Variants in CDKL5 observed in about 807,000 individuals in gnomAD.
The protein encoded by CDKL5 is cyclin dependent kinase like 5.
In CDKL5, 8 loss-of-function variants were observed where a neutral mutation model predicts 61.7. The ratio of observed to expected loss-of-function variants is 0.13; its 90% CI spans 0.08 to 0.23. The LOEUF (loss-of-function observed/expected upper bound fraction) is 0.23, where lower values mean the gene tolerates loss of function less well. CDKL5 is among the 10% of genes least tolerant of loss of function. The pLI is 1.00. For synonymous variants in CDKL5, 275 were observed against 272.3 expected (o/e 1.01, Z -0.10); for missense variants, 440 against 734.5 (o/e 0.60, Z 4.63).
chrX:18,582,746 T>C (rs1158102398), intron 7 of CDKL5, among the ~76,000 whole-genome samples: 1 of 111,313 alleles, frequency 9.0e-6, no homozygotes, highest in Non-Finnish European at 1.9e-5. Flanking sequence ...GATTAGTGCA[T>C]AGGAGATGAA....
At position 18,637,706 on chromosome X, in the gene CDKL5, C is replaced by T. The variant is rs1186195979; in HGVS notation, c.*8949C>T. ...CCTTATCTTTAAATGGAGGTAATCACAGTACCTACCTCAGTGTTGTTGTGA... is the reference window on the plus strand; with the variant it reads ...CCTTATCTTTAAATGGAGGTAATCATAGTACCTACCTCAGTGTTGTTGTGA... On this transcript the variant is annotated 3_prime_UTR_variant, in exon 18 of 18. Coordinates refer to ENST00000623535, the MANE Select transcript of CDKL5 (RefSeq NM_001323289.2). The T allele has an allele frequency of 8.9e-6, 1 of 111,813 alleles. No individual in the cohort carries two copies. Among genetic ancestry groups the T allele is most frequent in the Non-Finnish European group, 1.9e-5 (1 of 53,231 alleles). The allele number at this position is 111,813 out of a possible 1,213,427, so 9.2% of individuals were successfully genotyped here.
intron 3 of CDKL5, among the ~76,000 whole-genome samples, chrX:18,511,252 T>G (rs1187356776): frequency 8.9e-6 from 1 of 111,880 alleles, no homozygotes; most frequent in African/African-American, 3.2e-5. Flanking sequence ...ATGCTCAACC[T>G]GTAATTAAAA....
At chrX:18,473,930 CT>C (rs1420784706) in intron 1 of CDKL5, among the ~76,000 whole-genome samples, 1 of 105,276 alleles carries the variant, frequency 9.5e-6, no homozygotes, top group African/African-American at 3.5e-5. Context: ...GAGTTTTGCT[CT>C]TGTCACAGCT....
At chrX:18,525,417 T>C (rs988901678) in intron 3 of CDKL5, among the ~76,000 whole-genome samples, 3 of 111,490 alleles carry the variant, frequency 2.7e-5, no homozygotes, top group Admixed American at 9.5e-5. Context: ...AAATTTTTTA[T>C]AGGGACAGGG....
At chrX:18,573,362 G>A (rs1925193222) in intron 4 of CDKL5, among the ~76,000 whole-genome samples, 2 of 112,070 alleles carry the variant, frequency 1.8e-5, no homozygotes, top group Admixed American at 1.9e-4. Flanking sequence ...GGGGATATTA[G>A]AGAAGCATGT....
intron 1 of CDKL5, among the ~76,000 whole-genome samples, chrX:18,501,230 A>G (rs1040550090): frequency 9.0e-6 from 1 of 111,597 alleles, no homozygotes; most frequent in African/African-American, 3.3e-5. Flanking sequence ...CTTAAGTACA[A>G]TGGCAATATC....
chrX:18,630,722 C>T lies in CDKL5; in HGVS notation c.*1965C>T. Reference sequence around the variant, plus strand: ...TAATAGGCACTAAAATGAAACTCGACTGGGTACTATTACTGAAAAAATTTG... The same window carrying T: ...TAATAGGCACTAAAATGAAACTCGATTGGGTACTATTACTGAAAAAATTTG... On this transcript the variant is annotated 3_prime_UTR_variant, in exon 18 of 18. Transcript: ENST00000623535. 1.3e-6 allele frequency: 1 copy of T among 749,512 alleles called. No homozygotes were observed. The highest frequency in any genetic ancestry group is 1.6e-6 in the Non-Finnish European group (1 of 636,067). 61.8% of individuals were successfully genotyped at this position (749,512 alleles called of 1,213,427 possible). A position where few individuals can be genotyped will look rare whatever the true frequency, so the allele number is the denominator to read the frequency against.
intron 3 of CDKL5, among the ~76,000 whole-genome samples, chrX:18,523,847 A>G (rs937227220): frequency 8.9e-6 from 1 of 112,172 alleles, no homozygotes; most frequent in Non-Finnish European, 1.9e-5. Context: ...ATTCTTTTGA[A>G]TATATACCTA....
chrX:18,628,630 G>T lies in CDKL5; in HGVS notation c.2756G>T (p.Ser919Ile). The T allele has an allele frequency of 8.3e-7, 1 of 1,211,118 alleles. No homozygotes were observed. The highest frequency in any genetic ancestry group is 1.1e-6 in the Non-Finnish European group (1 of 894,924). Residue 919 changes from serine (S) to isoleucine (I), a missense_variant, in exon 18 of 18, where the codon AGT becomes ATT. Coordinates refer to ENST00000623535, the MANE Select transcript of CDKL5 (RefSeq NM_001323289.2). Reference protein sequence around the residue: ...PGWHVSSVTRSATEGPSYSEQ... With the variant: ...PGWHVSSVTRIATEGPSYSEQ... Reference sequence around the variant, plus strand: ...TGGCATGTGTCCTCTGTGACCAGGAGTGCCACAGAGGGCCCTTCCTACTCT... The same window carrying T: ...TGGCATGTGTCCTCTGTGACCAGGATTGCCACAGAGGGCCCTTCCTACTCT...
At chrX:18,620,290 G>A (rs973994000) in intron 16 of CDKL5, among the ~76,000 whole-genome samples, 1 of 112,069 alleles carries the variant, frequency 8.9e-6, no homozygotes, top group Non-Finnish European at 1.9e-5. Flanking sequence ...TCTCTCTGGG[G>A]ATTTAAAGAT....
At chrX:18,502,886 A>G (rs760729660) in intron 1 of CDKL5, among the ~76,000 whole-genome samples, 5 of 111,565 alleles carry the variant, frequency 4.5e-5, no homozygotes, top group Non-Finnish European at 9.4e-5. Context: ...TCATACTTGT[A>G]GTAGGAGGGT....
At position 18,631,643 on chromosome X, in the gene CDKL5, G is replaced by A; in HGVS notation, c.*2886G>A. ...CCGTAACTTCCTAAAGAAGAAAAAG[G>A]GTGAATGAAAGCTTATGTTACTTTT... On this transcript the variant is annotated 3_prime_UTR_variant, in exon 18 of 18. Coordinates refer to ENST00000623535, the MANE Select transcript of CDKL5 (RefSeq NM_001323289.2). 1.3e-6 allele frequency: 1 copy of A among 753,764 alleles called. No individual in the cohort carries two copies. Among genetic ancestry groups the A allele is most frequent in the South Asian group, 6.7e-5 (1 of 14,849 alleles). 62.1% of individuals were successfully genotyped at this position (753,764 alleles called of 1,213,427 possible). A position where few individuals can be genotyped will look rare whatever the true frequency, so the allele number is the denominator to read the frequency against.
rs1238731278 is a variant in CDKL5, at chrX:18,604,715, C to T, written c.1791C>T (p.Gly597=). ...APHESFSYGL[G]YTSPFSSQQR... ...ACGAATCTTTTTCTTATGGACTGGG[C>T]TACACCAGCCCCTTTTCTTCCCAGC... Residue 597 remains glycine (G), a synonymous_variant, in exon 12 of 18, where the codon GGC becomes GGT. Coordinates refer to ENST00000623535, the MANE Select transcript of CDKL5 (RefSeq NM_001323289.2). 8.3e-7 allele frequency: 1 copy of T among 1,210,156 alleles called. No homozygotes were observed. The highest frequency in any genetic ancestry group is 1.7e-5 in the African/African-American group (1 of 57,266).
Position 18,582,042 on chromosome X carries a change from T to C in CDKL5, c.463+92T>C, listed in dbSNP as rs905943749. On this transcript the variant is annotated intron_variant, in intron 7 of 17. Coordinates refer to ENST00000623535, the MANE Select transcript of CDKL5 (RefSeq NM_001323289.2). ...TTAAAGGAATATTAAAAGTAATTGT[T>C]ATGTTTTGACTTAAATTGGTAGAGG... 5.8e-6 allele frequency: 4 copies of C among 694,526 alleles called. No individual in the cohort carries two copies. In the African/African-American group the frequency reaches 8.6e-5, roughly 15 times the overall value. 57.2% of individuals were successfully genotyped at this position (694,526 alleles called of 1,213,427 possible).
In CDKL5 at chrX:18,634,223, C is replaced by T. The variant is rs1927317773; in HGVS notation, c.*5466C>T. The T allele has an allele frequency of 6.7e-6, 5 of 751,547 alleles. No individual in the cohort carries two copies. The highest frequency in any genetic ancestry group is 8.8e-5 in the Admixed American group (1 of 11,301). 61.9% of individuals were successfully genotyped at this position (751,547 alleles called of 1,213,427 possible). Reference sequence around the variant, plus strand: ...GAGAAAGAGGCCTTATCTGTTCCTCCATCCCCCCTGTTTTGACAGACTGCT... The same window carrying T: ...GAGAAAGAGGCCTTATCTGTTCCTCTATCCCCCCTGTTTTGACAGACTGCT... On this transcript the variant is annotated 3_prime_UTR_variant, in exon 18 of 18. Transcript: ENST00000623535.
At chrX:18,479,834 A>G (rs1009880402) in intron 1 of CDKL5, among the ~76,000 whole-genome samples, 2 of 111,445 alleles carry the variant, frequency 1.8e-5, no homozygotes, top group African/African-American at 3.3e-5. Flanking sequence ...ATCTCTATCA[A>G]TCAGTCTTCA....
At chrX:18,470,854 G>T (rs1229967955) in intron 1 of CDKL5, among the ~76,000 whole-genome samples, 1 of 112,067 alleles carries the variant, frequency 8.9e-6, no homozygotes, top group Non-Finnish European at 1.9e-5. Context: ...GCCTCTGTGG[G>T]TCCACAGCCA....
rs186001578 is a variant in CDKL5 at position 18,580,867 on chromosome X, A to T, written c.403+899A>T. Among the ~76,000 whole-genome samples, 98 of 112,070 alleles carry T rather than the reference A, an allele frequency of 8.7e-4. 2 individuals carry two copies. Among genetic ancestry groups the T allele is most frequent in the African/African-American group, 3.1e-3 (96 of 30,937 alleles). On this transcript the variant is annotated intron_variant, in intron 6 of 17. Coordinates refer to ENST00000623535, the MANE Select transcript of CDKL5 (RefSeq NM_001323289.2). ...GAATAGTTTAAAGGTCATATGAAGA[A>T]TGCCATCGTCTTTTATTCCTAGAAA...
At chrX:18,468,160 G>GA (rs1344398823) in intron 1 of CDKL5, among the ~76,000 whole-genome samples, 1 of 111,105 alleles carries the variant, frequency 9.0e-6, no homozygotes, top group African/African-American at 3.3e-5. Flanking sequence ...TTTCCAATTT[G>GA]AAAAAAATAG....
Sources: allele counts gnomAD v4.1 joint callset (sites outside exome capture counted in the v4.1 genomes callset), GRCh38; gene constraint gnomAD v4.1.1; transcripts MANE v1.5; gene names NCBI Gene and HGNC (gene_info 2026-07-23, HGNC 2026-07-21).